Variants in SLC24A3 observed in about 807,000 individuals in gnomAD.
SLC24A3 encodes the protein sodium/potassium/calcium exchanger 3.
A neutral mutation model predicts 75.8 loss-of-function variants in SLC24A3; 28 were observed. That is an observed-to-expected ratio of 0.37 (90% CI 0.27 to 0.51). SLC24A3 has a LOEUF of 0.51. Among genes scored for constraint, SLC24A3 ranks in the 20% least tolerant of loss-of-function variants. SLC24A3 has a pLI of 0.94. For missense variants in SLC24A3, 663 were observed against 847.8 expected, an observed-to-expected ratio of 0.78 and a Z score of 2.71; for synonymous variants, 372 against 334.1, an observed-to-expected ratio of 1.11 and a Z score of -1.24.
intron 2 of SLC24A3, among the ~76,000 whole-genome samples, chr20:19,482,962 C>T (rs1261134064): frequency 1.3e-5 from 2 of 152,168 alleles, no homozygotes; most frequent in South Asian, 2.1e-4. Context: ...CAAAAATGGC[C>T]CATGGTGTTG....
At chr20:19,631,923 T>C (rs933350922) in intron 6 of SLC24A3, among the ~76,000 whole-genome samples, 1 of 152,046 alleles carries the variant, frequency 6.6e-6, no homozygotes, top group Non-Finnish European at 1.5e-5. Context: ...CTGTGGGACC[T>C]TGGGTAAGTC....
At chr20:19,522,564 T>C (rs2030118308) in intron 3 of SLC24A3, among the ~76,000 whole-genome samples, 1 of 152,118 alleles carries the variant, frequency 6.6e-6, no homozygotes, top group Non-Finnish European at 1.5e-5. Flanking sequence ...AGTGTTAAGG[T>C]TTTTGATCTT....
chr20:19,308,817 G>A (rs1456955376), intron 2 of SLC24A3, among the ~76,000 whole-genome samples: 2 of 152,164 alleles, frequency 1.3e-5, no homozygotes, highest in African/African-American at 4.8e-5. Flanking sequence ...TGAGGGTGCA[G>A]TTCCCTCCAC....
intron 2 of SLC24A3, among the ~76,000 whole-genome samples, chr20:19,489,195 G>A (rs1054531222): frequency 6.6e-6 from 1 of 152,110 alleles, no homozygotes; most frequent in African/African-American, 2.4e-5. Flanking sequence ...TAATAATATG[G>A]AGAATTGCTA....
chr20:19,669,630 A>G (rs11697561), intron 8 of SLC24A3, among the ~76,000 whole-genome samples: 12,701 of 152,216 alleles, frequency 0.083, 975 homozygotes, highest in African/African-American at 0.2. Flanking sequence ...AAGGCCCAAC[A>G]AGAAAACTAA....
chr20:19,597,177 G>T (rs2031462637), intron 6 of SLC24A3, among the ~76,000 whole-genome samples: 1 of 118,738 alleles, frequency 8.4e-6, no homozygotes, highest in African/African-American at 3.9e-5. Flanking sequence ...GAGCCTAGGA[G>T]TTCCACAACG....
rs979004971 is a variant in SLC24A3, at chr20:19,404,617, C to G, written c.272-110871C>G. Among the ~76,000 whole-genome samples the G allele has an allele frequency of 4.6e-5, 7 of 152,294 alleles. No homozygotes were observed. The South Asian group carries it at 6.2e-4, about 14-fold the overall frequency. On this transcript the variant is annotated intron_variant, in intron 2 of 16. Transcript: ENST00000328041. ...TGATGATTTGGGCATGAGTTTTAAT[C>G]CAGTTCAGTGCATTCTTCAATGTGA...
intron 2 of SLC24A3, among the ~76,000 whole-genome samples, chr20:19,415,606 T>C (rs1053031240): frequency 2.6e-5 from 4 of 152,016 alleles, no homozygotes; most frequent in African/African-American, 9.7e-5. Flanking sequence ...CTTAAATGTG[T>C]ACAAGATTTT....
At chr20:19,646,591 A>G (rs2032139922) in intron 6 of SLC24A3, among the ~76,000 whole-genome samples, 1 of 152,168 alleles carries the variant, frequency 6.6e-6, no homozygotes, top group Admixed American at 6.5e-5. Context: ...AGCACCACAT[A>G]CACTTAGGAA....
At chr20:19,452,168 C>T (rs1056092724) in intron 2 of SLC24A3, among the ~76,000 whole-genome samples, 1 of 152,112 alleles carries the variant, frequency 6.6e-6, no homozygotes, top group Non-Finnish European at 1.5e-5. Flanking sequence ...CAACCACAGA[C>T]CAACATTTGA....
intron 9 of SLC24A3, 104 bp from the exon 10 acceptor site, chr20:19,681,754 C>T: frequency 6.4e-7 from 1 of 1,569,542 alleles, no homozygotes; most frequent in African/African-American, 1.3e-5. Flanking sequence ...GGCCTGGTGA[C>T]TGTGCATGCA....
chr20:19,216,059 C>G (rs1292214743), intron 1 of SLC24A3, among the ~76,000 whole-genome samples: 1 of 152,318 alleles, frequency 6.6e-6, no homozygotes, highest in South Asian at 2.1e-4. Context: ...TCTGCAGACA[C>G]TCTTTTCGGA....
chr20:19,431,553 C>A (rs1370855517), intron 2 of SLC24A3, among the ~76,000 whole-genome samples: 2 of 152,014 alleles, frequency 1.3e-5, no homozygotes, highest in African/African-American at 2.4e-5. Flanking sequence ...TGTCGCCAGC[C>A]AGATAAGCAC....
At chr20:19,260,319 C>T (rs947274752) in intron 1 of SLC24A3, among the ~76,000 whole-genome samples, 1 of 152,200 alleles carries the variant, frequency 6.6e-6, no homozygotes, top group African/African-American at 2.4e-5. Flanking sequence ...AGGATAACAA[C>T]ACCCAGCTCT....
chr20:19,576,572 G>A (rs531441103), intron 3 of SLC24A3, among the ~76,000 whole-genome samples: 95 of 152,252 alleles, frequency 6.2e-4, no homozygotes, highest in African/African-American at 2.2e-3. Flanking sequence ...AGGGTATCTG[G>A]TTAACAGTGA....
At chr20:19,666,434 A>T (rs2032400360) in intron 8 of SLC24A3, among the ~76,000 whole-genome samples, 1 of 152,070 alleles carries the variant, frequency 6.6e-6, no homozygotes, top group African/African-American at 2.4e-5. Flanking sequence ...TGAACCTAGG[A>T]GGTGGAGCTT....
At chr20:19,714,804 A>G (rs1223559419) in intron 15 of SLC24A3, among the ~76,000 whole-genome samples, 2 of 152,248 alleles carry the variant, frequency 1.3e-5, no homozygotes, top group East Asian at 3.8e-4. Context: ...TAGGAAGAGT[A>G]AAGTTCAAAA....
intron 1 of SLC24A3, among the ~76,000 whole-genome samples, chr20:19,214,189 T>G (rs922056178): frequency 6.6e-6 from 1 of 152,120 alleles, no homozygotes; most frequent in Non-Finnish European, 1.5e-5. Flanking sequence ...CTTGACAGAC[T>G]TCATCATTTA....
chr20:19,620,519 G>A (rs142508241), intron 6 of SLC24A3, among the ~76,000 whole-genome samples: 9 of 152,364 alleles, frequency 5.9e-5, no homozygotes, highest in African/African-American at 2.2e-4. Context: ...TGACATTAAA[G>A]CTTGGCAACA....
Sources: gnomAD v4.1 joint callset for allele counts (sites outside exome capture counted in the v4.1 genomes callset) on GRCh38, gnomAD v4.1.1 for gene constraint, MANE v1.5 for transcripts, NCBI Gene and HGNC (gene_info 2026-07-23, HGNC 2026-07-21) for gene names.